ACLY: variants seen among roughly 807,000 people sequenced by gnomAD.
ACLY encodes ATP-citrate synthase.
A neutral mutation model predicts 133.0 loss-of-function variants in ACLY; 41 were observed. The observed-to-expected ratio is 0.31, with a 90% CI of 0.24 to 0.40. The LOEUF (loss-of-function observed/expected upper bound fraction) is 0.40. ACLY is among the 10% of genes least tolerant of loss of function. The pLI, the probability that ACLY is intolerant of heterozygous loss-of-function variation, is 1.00. For synonymous variants in ACLY, 495 were observed against 549.3 expected, an observed-to-expected ratio of 0.90 and a Z score of 1.38; for missense variants, 1,046 against 1,453.8, an observed-to-expected ratio of 0.72 and a Z score of 4.56.
intron 8 of ACLY, among the ~76,000 whole-genome samples, chr17:41,906,118 T>C (rs1268085290): frequency 2.0e-5 from 3 of 152,218 alleles, no homozygotes; most frequent in African/African-American, 7.2e-5. Context: ...GTAAAGGGTG[T>C]AGAATATGAT....
chr17:41,868,008 CAA>C, intron 28 of ACLY, 104 bp from the exon 29 acceptor site: 1 of 760,338 alleles, frequency 1.3e-6, no homozygotes, highest in South Asian at 1.9e-5. Flanking sequence ...AAAGTAGACA[CAA>C]AGCAGTGGGA....
At chr17:41,878,567 A>G (rs2048822225) in intron 21 of ACLY, among the ~76,000 whole-genome samples, 1 of 152,152 alleles carries the variant, frequency 6.6e-6, no homozygotes, top group Admixed American at 6.6e-5. Flanking sequence ...CCAAATAGGT[A>G]GGCTCAGAAA....
At chr17:41,921,718 C>G (rs1260602759), upstream of ACLY, among the ~76,000 whole-genome samples, 1 of 151,852 alleles carries the variant, frequency 6.6e-6, no homozygotes, top group Non-Finnish European at 1.5e-5. Flanking sequence ...GCCTATAATC[C>G]GAGCACTTTG....
At chr17:41,883,853 G>C (rs1182581941) in intron 19 of ACLY, among the ~76,000 whole-genome samples, 1 of 151,984 alleles carries the variant, frequency 6.6e-6, no homozygotes, top group African/African-American at 2.4e-5. Context: ...CCAAAGTGCT[G>C]GGAGGATTAC....
At chr17:41,881,756 C>G (rs1238687359) in intron 20 of ACLY, among the ~76,000 whole-genome samples, 1 of 152,158 alleles carries the variant, frequency 6.6e-6, no homozygotes, top group African/African-American at 2.4e-5. Context: ...GCCACCACGT[C>G]TGGCTACACA....
rs1049622675 is a variant in ACLY, at chr17:41,894,547, C to A, written c.1460-1373G>T. 3.3e-5 allele frequency among the ~76,000 whole-genome samples: 5 copies of A among 150,730 alleles called. No homozygotes were observed. The East Asian group carries it at 5.8e-4, about 17-fold the overall frequency. ...AACCAGCCACCGCGGCATAGTGAGA[C>A]CCCACCTCAAAAAAAAAAACAACAA... On this transcript the variant is annotated intron_variant, in intron 14 of 28. Transcript: ENST00000352035.
Position 41,918,940 on chromosome 17 carries a change from G to A in ACLY, c.-84C>T, listed in dbSNP as rs1555634985. The A allele has an allele frequency of 3.1e-6, 4 of 1,289,156 alleles. No homozygotes were observed. Among genetic ancestry groups the A allele is most frequent in the East Asian group, 1.1e-4 (2 of 17,984 alleles). The allele number at this position is 1,289,156 out of a possible 1,614,324, so 79.9% of individuals were successfully genotyped here. On this transcript the variant is annotated 5_prime_UTR_variant, in exon 1 of 29. Coordinates refer to ENST00000352035, the MANE Select transcript of ACLY (RefSeq NM_001096.3). The stretch of plus-strand genomic sequence containing the variant: ...GGCCCGACGAACCCCGCAAAATCCG[G>A]AGCACCCCAGCAGCCGGTAGCTTCC...
intron 13 of ACLY, 23 bp from the exon 14 acceptor site, chr17:41,896,672 C>T (rs1555630448): frequency 6.4e-7 from 1 of 1,562,892 alleles, no homozygotes; most frequent in Non-Finnish European, 8.7e-7. Context: ...ATGACCAAGG[C>T]AACTGAGTGA....
intron 11 of ACLY, among the ~76,000 whole-genome samples, 185 bp from the exon 12 acceptor site, chr17:41,898,970 G>A (rs1406744808): frequency 6.6e-6 from 1 of 152,156 alleles, no homozygotes; most frequent in African/African-American, 2.4e-5. Flanking sequence ...AAGGCCACTT[G>A]CTGATAACAA....
At chr17:41,919,128 G>A, upstream of ACLY, 6 of 1,133,298 alleles carry the variant, frequency 5.3e-6, no homozygotes, top group Admixed American at 3.9e-5. Flanking sequence ...GCGGGCCCCG[G>A]GGCCTGCTGG....
At chr17:41,922,370 CAAAAAAAAA>C (rs1164362085), upstream of ACLY, among the ~76,000 whole-genome samples, 3 of 30,932 alleles carry the variant, frequency 9.7e-5, no homozygotes, top group South Asian at 1.1e-3. Flanking sequence ...CAGAGCGAGA[CAAAAAAAAA>C]AAAAAAAAAA....
At chr17:41,911,880 C>T (rs191962325) in intron 3 of ACLY, among the ~76,000 whole-genome samples, 4 of 151,726 alleles carry the variant, frequency 2.6e-5, no homozygotes, top group Admixed American at 2.0e-4. Context: ...TTTGGGAAGC[C>T]GAGGCAGGCA....
intron 1 of ACLY, among the ~76,000 whole-genome samples, chr17:41,917,724 G>A (rs781820117): frequency 6.6e-6 from 1 of 152,162 alleles, no homozygotes; most frequent in Admixed American, 6.5e-5. Flanking sequence ...AATTCTGTGA[G>A]TGCCCCTTAC....
chr17:41,927,258 T>C (rs1336460731), intron 1 of ACLY, among the ~76,000 whole-genome samples: 14 of 152,230 alleles, frequency 9.2e-5, no homozygotes, highest in Non-Finnish European at 1.6e-4. Flanking sequence ...TGAGTTTCCC[T>C]GTACTCCTTT....
intron 3 of ACLY, among the ~76,000 whole-genome samples, 162 bp from the exon 4 acceptor site, chr17:41,910,446 G>A (rs2049868456): frequency 6.6e-6 from 1 of 152,240 alleles, no homozygotes; most frequent in South Asian, 2.1e-4. Flanking sequence ...CCTAAGCTCA[G>A]TAAGTCCTCA....
chr17:41,874,059 C>T (rs2048667175), intron 22 of ACLY, 94 bp from the exon 23 acceptor site: 2 of 1,296,132 alleles, frequency 1.5e-6, no homozygotes, highest in Admixed American at 6.6e-5. Context: ...AGAACCAAAG[C>T]ACCCCAGGAA....
chr17:41,919,172 T>C (rs1014354167), upstream of ACLY: 181 of 906,152 alleles, frequency 2.0e-4, 5 homozygotes, highest in South Asian at 1.8e-3. Context: ...CCACCGCCTC[T>C]TGGGAGCCTG....
chr17:41,927,391 T>G (rs2050256317), intron 1 of ACLY, among the ~76,000 whole-genome samples: 1 of 152,126 alleles, frequency 6.6e-6, no homozygotes, highest in Admixed American at 6.6e-5. Flanking sequence ...AGTGGCCTGA[T>G]CATAGCTCAA....
intron 20 of ACLY, among the ~76,000 whole-genome samples, chr17:41,880,556 T>A (rs373589982): frequency 6.6e-6 from 1 of 152,200 alleles, no homozygotes; most frequent in South Asian, 2.1e-4. Context: ...AAAAGGGAGA[T>A]GAATTATTTA....
Sources: gnomAD v4.1 joint callset for allele counts (sites outside exome capture counted in the v4.1 genomes callset) on GRCh38, gnomAD v4.1.1 for gene constraint, MANE v1.5 for transcripts, NCBI Gene and HGNC (gene_info 2026-07-23, HGNC 2026-07-21) for gene names.